The following DCC variants were observed in gnomAD, a reference collection of about 807,000 sequenced individuals.
DCC encodes DCC netrin 1 receptor, also known as netrin receptor DCC.
Under a neutral mutation model 172.5 loss-of-function variants are expected in DCC, and 58 were observed. That is an observed-to-expected ratio of 0.34 (90% CI 0.27 to 0.42). The LOEUF is 0.42. Among genes scored for constraint, DCC ranks in the 10% least tolerant of loss-of-function variants. The probability of loss-of-function intolerance (pLI) is 1.00; values close to 1 mark genes in which losing one functional copy is unlikely to be tolerated. For missense variants in DCC, 1,740 were observed against 1,791.0 expected, an observed-to-expected ratio of 0.97 and a Z score of 0.51; for synonymous variants, 709 against 644.5, an observed-to-expected ratio of 1.10 and a Z score of -1.52.
At chr18:52,519,876 G>T (rs1206368043) in intron 1 of DCC, among the ~76,000 whole-genome samples, 2 of 152,320 alleles carry the variant, frequency 1.3e-5, no homozygotes, top group East Asian at 3.9e-4. Flanking sequence ...TCTGAGCAAA[G>T]AAATAGTGGG....
At position 52,342,222 on chromosome 18, in the gene DCC, T is replaced by A. The variant is rs551221811; in HGVS notation, c.91+1344T>A. On this transcript the variant is annotated intron_variant, in intron 1 of 28. Coordinates refer to ENST00000442544, the MANE Select transcript of DCC (RefSeq NM_005215.4). ...ATCTGCGCTTGCACTCGGGCTCAGC[T>A]CCTCATCTTCCTTTGGCCAGAGACA... Among the ~76,000 whole-genome samples, 10 of 152,204 alleles carry A rather than the reference T, an allele frequency of 6.6e-5. No homozygotes were observed. In the South Asian group the frequency reaches 2.1e-3, roughly 32 times the overall value.
chr18:53,258,532 T>C (rs995329904), intron 12 of DCC, among the ~76,000 whole-genome samples: 1 of 152,202 alleles, frequency 6.6e-6, no homozygotes, highest in African/African-American at 2.4e-5. Flanking sequence ...TTGAGTGAGT[T>C]TCTTAATCCT....
At position 53,063,391 on chromosome 18, in the gene DCC, C is replaced by T. The variant is rs1292407371; in HGVS notation, c.1072C>T (p.Pro358Ser). ...GTTTGAATGTACAGTCTCTGGAAAG[C>T]CTGTGCCCACTGTGAATTGGATGAA... ...IEFECTVSGK[P>S]VPTVNWMKNG... The change falls in exon 6 of 29, where the codon CCT becomes TCT. Residue 358 changes from proline (P) to serine (S), a missense_variant. This residue lies in a region of DCC where 1,732 missense variants were observed against 1,767.4 expected (regional missense o/e 0.98). Transcript: ENST00000442544. The T allele has an allele frequency of 1.9e-6, 3 of 1,610,556 alleles. No homozygotes were observed. The Admixed American group carries it at 5.0e-5, about 27-fold the overall frequency.
At chr18:52,381,890 T>C (rs904432280) in intron 1 of DCC, among the ~76,000 whole-genome samples, 6 of 152,186 alleles carry the variant, frequency 3.9e-5, no homozygotes, top group Non-Finnish European at 8.8e-5. Context: ...CTTGGAAATT[T>C]ATAACAAGAA....
At chr18:52,677,153 C>A (rs564218391) in intron 1 of DCC, among the ~76,000 whole-genome samples, 10 of 152,210 alleles carry the variant, frequency 6.6e-5, no homozygotes, top group African/African-American at 2.2e-4. Context: ...TAATTCTTGT[C>A]TCTTAATGCC....
intron 8 of DCC, among the ~76,000 whole-genome samples, chr18:53,174,978 A>G (rs1159912452): frequency 1.2e-4 from 18 of 152,280 alleles, no homozygotes; most frequent in Non-Finnish European, 2.1e-4. Flanking sequence ...CTTATTCACC[A>G]TGATCAAGTG....
chr18:53,187,339 G>T (rs1435305617), intron 9 of DCC, among the ~76,000 whole-genome samples: 2 of 151,912 alleles, frequency 1.3e-5, no homozygotes, highest in Non-Finnish European at 2.9e-5. Context: ...GGCCAGACTG[G>T]TCTTGAACTC....
chr18:52,945,192 A>G (rs1472388525), intron 5 of DCC, among the ~76,000 whole-genome samples: 3 of 152,208 alleles, frequency 2.0e-5, no homozygotes, highest in East Asian at 1.9e-4. Context: ...TGCTGGTGCT[A>G]TTGTTTCCTT....
At chr18:53,260,964 C>G (rs1390294504) in intron 12 of DCC, among the ~76,000 whole-genome samples, 1 of 152,148 alleles carries the variant, frequency 6.6e-6, no homozygotes, top group East Asian at 1.9e-4. Context: ...GCTGTGCTAG[C>G]AATGAGCAAG....
intron 12 of DCC, among the ~76,000 whole-genome samples, chr18:53,276,214 C>T (rs2056805140): frequency 2.0e-5 from 3 of 152,210 alleles, no homozygotes; most frequent in African/African-American, 4.8e-5. Context: ...TAACATATAG[C>T]TTCACTCAAC....
chr18:52,527,505 G>T (rs1405430277), intron 1 of DCC, among the ~76,000 whole-genome samples: 2 of 152,130 alleles, frequency 1.3e-5, no homozygotes, highest in Admixed American at 6.6e-5. Context: ...TTCCTCAGTT[G>T]TTTATCTTCA....
intron 1 of DCC, among the ~76,000 whole-genome samples, chr18:52,697,485 A>G (rs1254887241): frequency 2.0e-5 from 3 of 152,180 alleles, no homozygotes; most frequent in Non-Finnish European, 2.9e-5. Context: ...CTCCTATGTG[A>G]GAACATCATA....
intron 5 of DCC, among the ~76,000 whole-genome samples, chr18:53,037,200 A>G (rs1285038775): frequency 1.3e-5 from 2 of 151,970 alleles, no homozygotes; most frequent in Non-Finnish European, 2.9e-5. Flanking sequence ...GCCATCCTGG[A>G]TTTCGTTTCT....
intron 5 of DCC, among the ~76,000 whole-genome samples, chr18:52,927,498 T>G (rs1281694521): frequency 2.0e-5 from 3 of 152,028 alleles, no homozygotes; most frequent in Non-Finnish European, 2.9e-5. Flanking sequence ...CATATTTCAT[T>G]GATGCACATA....
intron 1 of DCC, among the ~76,000 whole-genome samples, chr18:52,499,404 G>A (rs1047814341): frequency 5.3e-5 from 8 of 152,060 alleles, no homozygotes; most frequent in African/African-American, 1.4e-4. Flanking sequence ...ACCTATTAGC[G>A]GCCTGTTTTG....
chr18:52,422,587 A>T (rs1399849051), intron 1 of DCC, among the ~76,000 whole-genome samples: 2 of 152,224 alleles, frequency 1.3e-5, no homozygotes, highest in Non-Finnish European at 2.9e-5. Context: ...CATTCATTCC[A>T]GGATATACAA....
At chr18:53,262,673 T>C (rs1485388100) in intron 12 of DCC, among the ~76,000 whole-genome samples, 1 of 152,222 alleles carries the variant, frequency 6.6e-6, no homozygotes, top group Admixed American at 6.5e-5. Flanking sequence ...ATAGAAACCC[T>C]TTTCTGCATA....
intron 2 of DCC, among the ~76,000 whole-genome samples, chr18:52,860,960 C>G (rs768450131): frequency 6.7e-6 from 1 of 149,318 alleles, no homozygotes; most frequent in East Asian, 2.0e-4. Context: ...GAGCTGGGAT[C>G]TCACCACTGC....
chr18:52,975,164 T>C (rs1305280860), intron 5 of DCC, among the ~76,000 whole-genome samples: 1 of 152,096 alleles, frequency 6.6e-6, no homozygotes, highest in Admixed American at 6.6e-5. Context: ...CGACCACATA[T>C]AATTATCTTT....
Sources: gnomAD v4.1 joint callset for allele counts (sites outside exome capture counted in the v4.1 genomes callset) on GRCh38, gnomAD v4.1.1 for gene constraint, gnomAD v4.1.1 regional missense constraint, MANE v1.5 for transcripts, NCBI Gene and HGNC (gene_info 2026-07-23, HGNC 2026-07-21) for gene names.